Variants in TAMM41 observed in about 807,000 individuals in gnomAD.
TAMM41 encodes the protein phosphatidate cytidylyltransferase, mitochondrial.
TAMM41 carries 36 observed loss-of-function variants against 44.1 expected under a neutral mutation model. That is an observed-to-expected ratio of 0.82 (90% CI 0.63 to 1.08). The LOEUF (loss-of-function observed/expected upper bound fraction) is 1.08, where lower values mean the gene tolerates loss of function less well. Among genes scored for constraint, TAMM41 ranks in the 50% least tolerant of loss-of-function variants. The pLI is 0.00. For synonymous variants in TAMM41, 164 were observed against 153.1 expected (o/e 1.07, Z -0.53); for missense variants, 417 against 404.3 (o/e 1.03, Z -0.27).
At chr3:11,725,862 G>A in the TAMM41 span, among the ~76,000 whole-genome samples, 1 of 152,216 alleles carries the variant, frequency 6.6e-6, no homozygotes, top group Non-Finnish European at 1.5e-5. Flanking sequence ...GTCCATGTGG[G>A]CGTGGGGTGG....
chr3:11,772,814 C>T, the TAMM41 span, among the ~76,000 whole-genome samples: 1 of 152,178 alleles, frequency 6.6e-6, no homozygotes, highest in South Asian at 2.1e-4. Context: ...AGGGGCTCTA[C>T]ATACATTGAT....
chr3:11,777,393 G>T, the TAMM41 span, among the ~76,000 whole-genome samples: 1 of 152,244 alleles, frequency 6.6e-6, no homozygotes, highest in Non-Finnish European at 1.5e-5. Flanking sequence ...ACTACTAAAT[G>T]ACGTCAGGAT....
chr3:11,733,505 T>C, the TAMM41 span, among the ~76,000 whole-genome samples: 2 of 151,030 alleles, frequency 1.3e-5, no homozygotes, highest in Non-Finnish European at 3.0e-5. Context: ...AGATTTTTTT[T>C]TTTTTGAGAC....
the TAMM41 span, among the ~76,000 whole-genome samples, chr3:11,755,921 A>C: frequency 1.3e-5 from 2 of 151,058 alleles, no homozygotes; most frequent in African/African-American, 4.8e-5. Flanking sequence ...TGATGTTAGC[A>C]TGGACGAGTA....
At chr3:11,754,990 G>A in the TAMM41 span, among the ~76,000 whole-genome samples, 2,885 of 152,128 alleles carry the variant, frequency 0.019, 42 homozygotes, top group Non-Finnish European at 0.025. Context: ...GTGAGTCACT[G>A]CACCTGGCCT....
intron 7 of TAMM41, among the ~76,000 whole-genome samples, chr3:11,798,640 C>T (rs1403209549): frequency 6.6e-6 from 1 of 151,866 alleles, no homozygotes; most frequent in Non-Finnish European, 1.5e-5. Flanking sequence ...TGCACATGTA[C>T]CCCAAACTTA....
the TAMM41 span, among the ~76,000 whole-genome samples, chr3:11,771,679 T>G: frequency 6.6e-6 from 1 of 152,052 alleles, no homozygotes; most frequent in Non-Finnish European, 1.5e-5. Context: ...GCCTCCCAGG[T>G]TCAAGCGATT....
At chr3:11,839,385 A>G in intron 2 of TAMM41, 71 bp from the exon 3 acceptor site, 1 of 997,546 alleles carries the variant, frequency 1.0e-6, no homozygotes. Flanking sequence ...TATAAAATAT[A>G]AGGAAACAGA....
chr3:11,732,579 G>A, the TAMM41 span, among the ~76,000 whole-genome samples: 1 of 152,148 alleles, frequency 6.6e-6, no homozygotes, highest in East Asian at 1.9e-4. Context: ...TAAAATAATG[G>A]CAAGTGCTAT....
rs934260435 is a variant in TAMM41 at position 11,809,684 on chromosome 3, T to C, written c.709-2A>G. On this transcript the variant is annotated splice_acceptor_variant, in intron 5 of 7. Coordinates refer to ENST00000455809, the MANE Select transcript of TAMM41 (RefSeq NM_001284401.2). LOFTEE classifies it high-confidence loss of function. The stretch of plus-strand genomic sequence containing the variant: ...CTGTCCTTCTGGGCTTTTATCTATC[T>C]GAAGGGAGGAAAAAAAAGACGACGT... 70 of 1,595,220 alleles carry C rather than the reference T, an allele frequency of 4.4e-5. No individual in the cohort carries two copies. Among genetic ancestry groups the C allele is most frequent in the Non-Finnish European group, 5.7e-5 (67 of 1,175,972 alleles).
rs987928512 is a variant in TAMM41 at position 11,846,675 on chromosome 3, C to T, written c.-39G>A. 2 of 1,613,006 alleles carry T rather than the reference C, an allele frequency of 1.2e-6. No individual in the cohort carries two copies. The highest frequency in any genetic ancestry group is 1.7e-6 in the Non-Finnish European group (2 of 1,179,442). On this transcript the variant is annotated 5_prime_UTR_variant, in exon 1 of 8. Coordinates refer to ENST00000455809, the MANE Select transcript of TAMM41 (RefSeq NM_001284401.2). ...ACAGGGGACACTCAGCGCAGCAGGGCGAGGACAACCGGGCGGGGAACAGAC... is the reference window on the plus strand; with the variant it reads ...ACAGGGGACACTCAGCGCAGCAGGGTGAGGACAACCGGGCGGGGAACAGAC...
intron 7 of TAMM41, among the ~76,000 whole-genome samples, chr3:11,794,176 G>C (rs1294780451): frequency 6.8e-6 from 1 of 147,124 alleles, no homozygotes; most frequent in African/African-American, 2.5e-5. Context: ...TTACTCTGTC[G>C]CCCAGGTTGG....
the TAMM41 span, among the ~76,000 whole-genome samples, chr3:11,766,366 C>T: frequency 1.2e-3 from 178 of 152,010 alleles, no homozygotes; most frequent in African/African-American, 4.2e-3. Flanking sequence ...GGGGGTCTTG[C>T]TATGTTGCCC....
Position 11,829,769 on chromosome 3 carries a change from G to C in TAMM41, c.507C>G (p.Pro169=), listed in dbSNP as rs139321356. The change falls in exon 4 of 8, where the codon CCC becomes CCG. Residue 169 remains proline, a synonymous_variant. Transcript: ENST00000455809. ...AGAGGTCTTCTTCAGAAAAGCTTTC[G>C]GGGAGCATGAGGAAAGCAGCGGTCA... ...SAVTAAFLML[P]ESFSEEDLFI... 1.1e-3 allele frequency: 1,737 copies of C among 1,614,148 alleles called. 13 individuals carry two copies. In the African/African-American group the frequency reaches 0.02, roughly 18 times the overall value.
At chr3:11,789,230 G>A (rs1174803955), downstream of TAMM41, among the ~76,000 whole-genome samples, 1 of 152,164 alleles carries the variant, frequency 6.6e-6, no homozygotes, top group African/African-American at 2.4e-5. Flanking sequence ...CAGTTTGGCT[G>A]AATCTGAAGT....
At chr3:11,812,875 T>C (rs1306802846) in intron 5 of TAMM41, among the ~76,000 whole-genome samples, 1 of 151,994 alleles carries the variant, frequency 6.6e-6, no homozygotes, top group Non-Finnish European at 1.5e-5. Context: ...GCAGAAGTGA[T>C]AGATGAGGGT....
chr3:11,825,583 A>C (rs1347908282), intron 4 of TAMM41, among the ~76,000 whole-genome samples: 1 of 152,192 alleles, frequency 6.6e-6, no homozygotes, highest in Non-Finnish European at 1.5e-5. Context: ...TTCCCCAAGA[A>C]TCACTCAACT....
chr3:11,809,234 A>G lies in TAMM41; in HGVS notation c.874+283T>C, dbSNP rs949060915. 3.9e-5 allele frequency: 17 copies of G among 430,690 alleles called. 1 individual carries two copies. The highest frequency in any genetic ancestry group is 1.3e-3 in the Middle Eastern group (2 of 1,548). The allele number at this position is 430,690 out of a possible 1,614,324, so 26.7% of individuals were successfully genotyped here. On this transcript the variant is annotated intron_variant, in intron 6 of 7. Transcript: ENST00000455809. ...AAAACACAGACACATCTTTTAAATA[A>G]ATTCTAGAAGTTGTGCTCTAGGAAC...
chr3:11,805,578 A>G (rs1192496953), intron 7 of TAMM41, among the ~76,000 whole-genome samples: 1 of 152,086 alleles, frequency 6.6e-6, no homozygotes, highest in Non-Finnish European at 1.5e-5. Context: ...GGCCTTGTTG[A>G]ATCTTTCCAG....
Sources: allele counts gnomAD v4.1 joint callset (sites outside exome capture counted in the v4.1 genomes callset), GRCh38; gene constraint gnomAD v4.1.1; transcripts MANE v1.5; gene names NCBI Gene and HGNC (gene_info 2026-07-23, HGNC 2026-07-21).